The following KCNIP4 variants were observed in gnomAD, a reference collection of about 807,000 sequenced individuals.
KCNIP4 encodes the protein potassium voltage-gated channel interacting protein 4.
Under a neutral mutation model 34.0 loss-of-function variants are expected in KCNIP4, and 12 were observed. The observed-to-expected ratio is 0.35, with a 90% CI of 0.23 to 0.57. The LOEUF (loss-of-function observed/expected upper bound fraction) is 0.57. Ranked by LOEUF, KCNIP4 falls within the 20% of genes least tolerant of loss-of-function variation. The pLI is 0.83. For missense variants in KCNIP4, 238 were observed against 311.7 expected, an observed-to-expected ratio of 0.76 and a Z score of 1.78; for synonymous variants, 124 against 102.2, an observed-to-expected ratio of 1.21 and a Z score of -1.29.
chr4:21,713,592 C>G (rs2109080269), intron 1 of KCNIP4, among the ~76,000 whole-genome samples: 1 of 152,272 alleles, frequency 6.6e-6, no homozygotes, highest in East Asian at 1.9e-4. Context: ...TTTGTCATTT[C>G]TAAGTGTTGA....
chr4:21,296,244 A>G (rs1309614570), intron 1 of KCNIP4, among the ~76,000 whole-genome samples: 3 of 152,046 alleles, frequency 2.0e-5, no homozygotes, highest in African/African-American at 7.2e-5. Flanking sequence ...ATCAATGACA[A>G]TTTTGCATTA....
In KCNIP4 at chr4:21,400,465, T is replaced by TTCCTCTCCTCTCCTC. The variant is rs71189700; in HGVS notation, c.62-517771_62-517757dup. Reference sequence around the variant, plus strand: ...TTGCCATTTCCTATTTTTCTTTCTGTTCCTCTCCTCTCCTCTCCTCTCCTC... The same window carrying TTCCTCTCCTCTCCTC: ...TTGCCATTTCCTATTTTTCTTTCTGTTCCTCTCCTCTCCTCTCCTCTCCTCTCCTCTCCTCTCCTC... On this transcript the variant is annotated intron_variant, in intron 1 of 8. Coordinates refer to ENST00000382152, the MANE Select transcript of KCNIP4 (RefSeq NM_025221.6). Among the ~76,000 whole-genome samples the TTCCTCTCCTCTCCTC allele has an allele frequency of 1.5e-4, 18 of 118,044 alleles. 1 individual carries two copies. The highest frequency in any genetic ancestry group is 6.1e-4 in the African/African-American group (17 of 27,836). The allele number at this position is 118,044 out of a possible 152,430, so 77.4% of individuals were successfully genotyped here. A position where few individuals can be genotyped will look rare whatever the true frequency, so the allele number is the denominator to read the frequency against.
chr4:21,843,239 C>T (rs776432429), intron 1 of KCNIP4: 3 of 151,966 alleles, frequency 2.0e-5, no homozygotes, highest in South Asian at 2.1e-4. Flanking sequence ...TTCCACTTCT[C>T]GAACACCTTT....
At chr4:21,662,841 T>C (rs1165963775) in intron 1 of KCNIP4, among the ~76,000 whole-genome samples, 1 of 152,232 alleles carries the variant, frequency 6.6e-6, no homozygotes. Context: ...CAGCATTTCA[T>C]GTTTTCCAAT....
At chr4:20,790,511 A>C (rs1326710731) in intron 3 of KCNIP4, among the ~76,000 whole-genome samples, 1 of 152,146 alleles carries the variant, frequency 6.6e-6, no homozygotes, top group Non-Finnish European at 1.5e-5. Flanking sequence ...CAGTTGTACA[A>C]AAATATTTTC....
chr4:21,122,217 T>A (rs1750222633), intron 1 of KCNIP4, among the ~76,000 whole-genome samples: 1 of 151,316 alleles, frequency 6.6e-6, no homozygotes, highest in African/African-American at 2.4e-5. Context: ...AAAATCAATA[T>A]TTTCCCCCAG....
In KCNIP4 at chr4:21,915,870, A is replaced by G. The variant is rs1382256221; in HGVS notation, c.61+32701T>C. Among the ~76,000 whole-genome samples, 3 of 139,836 alleles carry G rather than the reference A, an allele frequency of 2.1e-5. No individual in the cohort carries two copies. In the East Asian group the frequency reaches 9.4e-4, roughly 44 times the overall value. 91.7% of individuals were successfully genotyped at this position (139,836 alleles called of 152,430 possible). A position where few individuals can be genotyped will look rare whatever the true frequency, so the allele number is the denominator to read the frequency against. On this transcript the variant is annotated intron_variant, in intron 1 of 8. Transcript: ENST00000382152. ...CCACCATATTAATGATGTGTCTTCC[A>G]TGGCCCTTTCTGCCCTTTGTAAACA...
chr4:21,908,797 A>G (rs935332584), intron 1 of KCNIP4, among the ~76,000 whole-genome samples: 1 of 152,182 alleles, frequency 6.6e-6, no homozygotes, highest in African/African-American at 2.4e-5. Flanking sequence ...AAGTAGTTGA[A>G]AAAACTACTG....
intron 1 of KCNIP4, among the ~76,000 whole-genome samples, chr4:21,643,289 C>T (rs1294502248): frequency 6.6e-6 from 1 of 152,080 alleles, no homozygotes; most frequent in African/African-American, 2.4e-5. Flanking sequence ...AGTTAGAGGA[C>T]ATTGAGAAGA....
intron 1 of KCNIP4, among the ~76,000 whole-genome samples, chr4:21,065,766 A>ATATATATATAT (rs1491138349): frequency 8.2e-6 from 1 of 122,146 alleles, no homozygotes; most frequent in African/African-American, 3.3e-5. Flanking sequence ...ATATATATAT[A>ATATATATATAT]ACTCAATTTT....
chr4:21,089,127 A>T (rs1232707140), intron 1 of KCNIP4, among the ~76,000 whole-genome samples: 1 of 152,084 alleles, frequency 6.6e-6, no homozygotes, highest in Non-Finnish European at 1.5e-5. Flanking sequence ...TATGGTTTGG[A>T]TTTGTGTCCC....
At chr4:20,993,378 T>A (rs962250894) in intron 1 of KCNIP4, among the ~76,000 whole-genome samples, 1 of 152,204 alleles carries the variant, frequency 6.6e-6, no homozygotes, top group Admixed American at 6.5e-5. Context: ...CCTGTGTCCA[T>A]ATTACTGTTC....
intron 1 of KCNIP4, among the ~76,000 whole-genome samples, chr4:21,266,785 C>T (rs1479761686): frequency 6.6e-6 from 1 of 151,808 alleles, no homozygotes; most frequent in Non-Finnish European, 1.5e-5. Context: ...ATGGCAGAGG[C>T]CTTGGACACC....
intron 1 of KCNIP4, among the ~76,000 whole-genome samples, chr4:21,488,206 A>G (rs945830924): frequency 6.6e-6 from 1 of 152,114 alleles, no homozygotes; most frequent in Non-Finnish European, 1.5e-5. Flanking sequence ...TCTGACTCTA[A>G]TCCATTACCA....
chr4:20,973,541 C>A (rs1380694661), intron 1 of KCNIP4, among the ~76,000 whole-genome samples: 1 of 152,224 alleles, frequency 6.6e-6, no homozygotes, highest in African/African-American at 2.4e-5. Flanking sequence ...TGAAGTAGCA[C>A]TTTTCCTTTG....
At chr4:21,914,621 C>T in intron 1 of KCNIP4, among the ~76,000 whole-genome samples, 1 of 152,152 alleles carries the variant, frequency 6.6e-6, no homozygotes, top group Non-Finnish European at 1.5e-5. Context: ...AAAGCGCTTC[C>T]CTGATCATCC....
intron 3 of KCNIP4, among the ~76,000 whole-genome samples, chr4:20,834,011 G>A (rs1311270258): frequency 6.6e-5 from 10 of 152,144 alleles, no homozygotes; most frequent in Non-Finnish European, 1.0e-4. Context: ...TGCAGATCTC[G>A]GGATCCAAGA....
rs1047882271 is a variant in KCNIP4, at chr4:21,876,664, C to T, written c.61+71907G>A. Among the ~76,000 whole-genome samples, 3 of 152,118 alleles carry T rather than the reference C, an allele frequency of 2.0e-5. No homozygotes were observed. The South Asian group carries it at 6.2e-4, about 32-fold the overall frequency. On this transcript the variant is annotated intron_variant, in intron 1 of 8. Coordinates refer to ENST00000382152, the MANE Select transcript of KCNIP4 (RefSeq NM_025221.6). The stretch of plus-strand genomic sequence containing the variant: ...TTAAAATAGATTTCAAGCAGACTGC[C>T]TCATGAAAGTCTTTGAAAACAGAAT...
Position 21,057,980 on chromosome 4 carries a change from T to C in KCNIP4, c.62-175271A>G, listed in dbSNP as rs547131263. On this transcript the variant is annotated intron_variant, in intron 1 of 8. Coordinates refer to ENST00000382152, the MANE Select transcript of KCNIP4 (RefSeq NM_025221.6). ...GGCAATGCATGCTAGTTAAACTTAT[T>C]GTGATAATACATTCATAGACATTGA... is the stretch of plus-strand genomic sequence containing the variant. Among the ~76,000 whole-genome samples, 7 of 152,242 alleles carry C rather than the reference T, an allele frequency of 4.6e-5. No individual in the cohort carries two copies. The South Asian group carries it at 1.2e-3, about 27-fold the overall frequency.
Sources: allele counts gnomAD v4.1 joint callset (sites outside exome capture counted in the v4.1 genomes callset), GRCh38; gene constraint gnomAD v4.1.1; transcripts MANE v1.5; gene names NCBI Gene and HGNC (gene_info 2026-07-23, HGNC 2026-07-21).